Variants in SVIL observed in about 807,000 individuals in gnomAD.
SVIL encodes the protein supervillin.
Under a neutral mutation model 240.4 loss-of-function variants are expected in SVIL, and 101 were observed. That is an observed-to-expected ratio of 0.42 (90% CI 0.36 to 0.50). The LOEUF (loss-of-function observed/expected upper bound fraction) is 0.50. Among genes scored for constraint, SVIL ranks in the 20% least tolerant of loss-of-function variants. The pLI is 0.01. For synonymous variants in SVIL, 999 were observed against 1,100.0 expected, an observed-to-expected ratio of 0.91 and a Z score of 1.82; for missense variants, 2,512 against 2,818.7, an observed-to-expected ratio of 0.89 and a Z score of 2.46.
Position 29,466,228 on chromosome 10 carries a change from T to G in SVIL, c.5978-478A>C, listed in dbSNP as rs575235204. On this transcript the variant is annotated intron_variant, in intron 33 of 37. Coordinates refer to ENST00000355867, the MANE Select transcript of SVIL (RefSeq NM_021738.3). ...ATCACATACACATATGTAACATAAA[T>G]ATGCATATATGTTATATAACATAAA... Among the ~76,000 whole-genome samples, 267 of 127,566 alleles carry G rather than the reference T, an allele frequency of 2.1e-3. 4 individuals carry two copies. In the South Asian group the frequency reaches 0.028, roughly 13 times the overall value. 83.7% of individuals were successfully genotyped at this position (127,566 alleles called of 152,430 possible). A position where few individuals can be genotyped will look rare whatever the true frequency, so the allele number is the denominator to read the frequency against.
chr10:29,727,848 A>AC (rs1489322621), intron 1 of SVIL, among the ~76,000 whole-genome samples: 1 of 152,030 alleles, frequency 6.6e-6, no homozygotes, highest in Non-Finnish European at 1.5e-5. Flanking sequence ...ACAGTGCTAG[A>AC]CCCCCTGGCT....
intron 18 of SVIL, among the ~76,000 whole-genome samples, chr10:29,498,096 A>G (rs868688955): frequency 1.6e-5 from 2 of 126,166 alleles, no homozygotes; most frequent in African/African-American, 9.5e-5. Context: ...ACCAAAAAAA[A>G]AAAAAAAAAA....
chr10:29,667,453 G>A (rs2133050813), intron 2 of SVIL, among the ~76,000 whole-genome samples: 1 of 152,288 alleles, frequency 6.6e-6, no homozygotes, highest in East Asian at 1.9e-4. Context: ...GAATTTGGGG[G>A]CTGAGTGTGG....
intron 1 of SVIL, chr10:29,602,381 A>C: frequency 6.2e-6 from 3 of 486,740 alleles, no homozygotes; most frequent in South Asian, 1.5e-5. Context: ...GCCTTGTCTC[A>C]CCCTCCCTTC....
At chr10:29,626,885 G>T (rs1415241325) in intron 1 of SVIL, among the ~76,000 whole-genome samples, 1 of 152,040 alleles carries the variant, frequency 6.6e-6, no homozygotes, top group Non-Finnish European at 1.5e-5. Context: ...TTAGCTGGGC[G>T]TGGTGGCGGG....
intron 1 of SVIL, among the ~76,000 whole-genome samples, chr10:29,712,743 G>T (rs191209253): frequency 6.6e-6 from 1 of 152,310 alleles, no homozygotes; most frequent in East Asian, 1.9e-4. Flanking sequence ...AGACATAGCT[G>T]AGAAAAGCTG....
At chr10:29,460,330 T>A (rs1944098189) in intron 36 of SVIL, among the ~76,000 whole-genome samples, 1 of 152,112 alleles carries the variant, frequency 6.6e-6, no homozygotes, top group Non-Finnish European at 1.5e-5. Flanking sequence ...TGTTAATTAT[T>A]TGTATAACTT....
Position 29,669,703 on chromosome 10 carries a change from G to T in SVIL, c.-300-11635C>A, listed in dbSNP as rs150721259. Among the ~76,000 whole-genome samples, 259 of 152,302 alleles carry T rather than the reference G, an allele frequency of 1.7e-3. 2 individuals are homozygous for T. Among genetic ancestry groups the T allele is most frequent in the Middle Eastern group, 0.01 (3 of 294 alleles). On this transcript the variant is annotated intron_variant, in intron 2 of 35. Transcript: ENST00000375400. ...GGCCAGACTGGGCCGCTGAGTGAAC[G>T]AAGGTGCCGTTGATGGAGATGGAGA...
intron 2 of SVIL, among the ~76,000 whole-genome samples, chr10:29,677,837 C>T (rs1051066066): frequency 6.6e-6 from 1 of 152,296 alleles, no homozygotes; most frequent in Middle Eastern, 3.4e-3. Context: ...CTCATTTGTG[C>T]TTGATGCTCC....
chr10:29,507,858 T>C, intron 17 of SVIL: 1 of 877,554 alleles, frequency 1.1e-6, no homozygotes, highest in Non-Finnish European at 1.4e-6. Flanking sequence ...AGAGAAGATT[T>C]ATCAGAGCGG....
chr10:29,712,827 C>A (rs1379609756), intron 1 of SVIL, among the ~76,000 whole-genome samples: 1 of 152,124 alleles, frequency 6.6e-6, no homozygotes, highest in Admixed American at 6.6e-5. Flanking sequence ...TAAAATTTGG[C>A]ACCTAATAGG....
At chr10:29,551,325 A>G in intron 5 of SVIL, 62 bp from the exon 6 acceptor site, 1 of 1,461,240 alleles carries the variant, frequency 6.8e-7, no homozygotes, top group Non-Finnish European at 9.1e-7. Context: ...ATTTACACAC[A>G]GAATGACACT....
rs545351369 is a variant in SVIL at position 29,517,956 on chromosome 10, G to T, written c.3389+4454C>A. On this transcript the variant is annotated intron_variant, in intron 16 of 37. Transcript: ENST00000355867. ...GTTTCTCAAAGAAGTTCCCAAACAG[G>T]GATAATTTAAACACACATCATTTGG... Among the ~76,000 whole-genome samples the T allele has an allele frequency of 1.7e-4, 26 of 152,168 alleles. No homozygotes were observed. In the South Asian group the frequency reaches 5.2e-3, roughly 30 times the overall value.
At chr10:29,557,973 T>C (rs1954092413) in intron 3 of SVIL, among the ~76,000 whole-genome samples, 1 of 152,230 alleles carries the variant, frequency 6.6e-6, no homozygotes, top group Non-Finnish European at 1.5e-5. Context: ...TCCCAGGTTC[T>C]TATAGTGATG....
intron 4 of SVIL, 32 bp from the exon 5 acceptor site, chr10:29,554,966 C>A: frequency 6.2e-7 from 1 of 1,609,388 alleles, no homozygotes; most frequent in Admixed American, 1.7e-5. Flanking sequence ...GCAGAGTGAG[C>A]AACAGCGATC....
At chr10:29,536,167 T>A in intron 6 of SVIL, 98 bp from the exon 7 acceptor site, 1 of 1,136,396 alleles carries the variant, frequency 8.8e-7, no homozygotes, top group Non-Finnish European at 1.3e-6. Flanking sequence ...TGATTTTTAT[T>A]AAGAATAATC....
At chr10:29,547,851 C>T (rs992445487) in intron 6 of SVIL, among the ~76,000 whole-genome samples, 2 of 152,152 alleles carry the variant, frequency 1.3e-5, no homozygotes, top group East Asian at 3.8e-4. Flanking sequence ...AATTATATAT[C>T]TCTGATATTC....
intron 3 of SVIL, among the ~76,000 whole-genome samples, chr10:29,558,828 T>C (rs1332258968): frequency 6.6e-6 from 1 of 150,968 alleles, no homozygotes; most frequent in Non-Finnish European, 1.5e-5. Flanking sequence ...CACGGGAGGC[T>C]GAGGCAGGAG....
intron 1 of SVIL, among the ~76,000 whole-genome samples, chr10:29,721,257 C>A (rs866742073): frequency 2.0e-5 from 3 of 150,018 alleles, no homozygotes; most frequent in African/African-American, 7.3e-5. Flanking sequence ...AACAAACAAA[C>A]AAAAAAACAC....
Sources: allele counts gnomAD v4.1 joint callset (sites outside exome capture counted in the v4.1 genomes callset), GRCh38; gene constraint gnomAD v4.1.1; transcripts MANE v1.5; gene names NCBI Gene and HGNC (gene_info 2026-07-23, HGNC 2026-07-21).